ELP4: variants seen among roughly 807,000 people sequenced by gnomAD.
The protein encoded by ELP4 is elongator acetyltransferase complex subunit 4, also known as elongator complex protein 4.
A neutral mutation model predicts 48.9 loss-of-function variants in ELP4; 51 were observed. The observed-to-expected ratio is 1.04, with a 90% CI of 0.83 to 1.32. The LOEUF (loss-of-function observed/expected upper bound fraction) is 1.32. ELP4 is among the 40% of genes most tolerant of loss of function. ELP4 has a pLI of 0.00. For missense variants in ELP4, 519 were observed against 514.6 expected, an observed-to-expected ratio of 1.01 and a Z score of -0.08; for synonymous variants, 210 against 189.2, an observed-to-expected ratio of 1.11 and a Z score of -0.90.
At chr11:31,631,871 G>A (rs537885868) in intron 6 of ELP4, among the ~76,000 whole-genome samples, 57 of 152,164 alleles carry the variant, frequency 3.7e-4, no homozygotes, top group African/African-American at 1.3e-3. Context: ...GAAGGGGTTT[G>A]CAAGCATTCT....
chr11:31,529,286 G>T (rs1956353414), intron 2 of ELP4, among the ~76,000 whole-genome samples: 1 of 152,056 alleles, frequency 6.6e-6, no homozygotes, highest in Admixed American at 6.6e-5. Flanking sequence ...GTGAGAAAAA[G>T]AAGACAAGGT....
intron 9 of ELP4, among the ~76,000 whole-genome samples, chr11:31,766,264 C>T (rs1257608218): frequency 6.6e-6 from 1 of 151,968 alleles, no homozygotes; most frequent in Non-Finnish European, 1.5e-5. Context: ...GGAAATATAA[C>T]GGCAATAAGT....
chr11:31,710,777 C>T (rs559049200), intron 9 of ELP4, among the ~76,000 whole-genome samples: 15 of 152,090 alleles, frequency 9.9e-5, no homozygotes, highest in African/African-American at 3.1e-4. Flanking sequence ...ACACAGAGAG[C>T]GACATAATCA....
chr11:31,663,543 G>A (rs914370186), intron 9 of ELP4: 4 of 151,994 alleles, frequency 2.6e-5, no homozygotes, highest in Non-Finnish European at 4.4e-5. Context: ...TATATTGGGC[G>A]TAAGGATATA....
chr11:31,513,037 A>G (rs498250), intron 1 of ELP4, among the ~76,000 whole-genome samples: 97,471 of 151,646 alleles, frequency 0.64, 33,291 homozygotes, highest in African/African-American at 0.89. Context: ...CTTAATGGTA[A>G]CAGCCATTTT....
At chr11:31,721,046 T>C (rs1013185184) in intron 9 of ELP4, among the ~76,000 whole-genome samples, 11 of 152,240 alleles carry the variant, frequency 7.2e-5, no homozygotes, top group Non-Finnish European at 1.3e-4. Flanking sequence ...GGATTCTTAT[T>C]TGAAACTTGG....
intron 3 of ELP4, among the ~76,000 whole-genome samples, chr11:31,586,514 G>A (rs548062219): frequency 8.5e-5 from 13 of 152,176 alleles, no homozygotes; most frequent in East Asian, 7.7e-4. Flanking sequence ...CTCCAGCATC[G>A]GTCTTTGTCC....
At chr11:31,710,835 C>T (rs183286905) in intron 9 of ELP4, among the ~76,000 whole-genome samples, 1 of 152,164 alleles carries the variant, frequency 6.6e-6, no homozygotes. Context: ...CATTTAAATA[C>T]TATATCATGT....
chr11:31,547,517 G>T (rs376986080), intron 3 of ELP4, among the ~76,000 whole-genome samples: 1 of 151,996 alleles, frequency 6.6e-6, no homozygotes, highest in Non-Finnish European at 1.5e-5. Flanking sequence ...CAAAAAGAGT[G>T]CAGGACCAGA....
At position 31,789,000 on chromosome 11, in the gene ELP4, T is replaced by C. The variant is rs933896993; in HGVS notation, c.*5476T>C. ...AACAATGGTTAATTTTGATATGTAG[T>C]TGTGAACAACTTCAAAACACTTAAG... is the stretch of plus-strand genomic sequence containing the variant. On this transcript the variant is annotated 3_prime_UTR_variant, in exon 10 of 10. Transcript: ENST00000640961. The C allele has an allele frequency of 5.0e-6, 1 of 199,556 alleles. No individual in the cohort carries two copies. Among genetic ancestry groups the C allele is most frequent in the African/African-American group, 2.3e-5 (1 of 43,552 alleles). The allele number at this position is 199,556 out of a possible 1,614,324, so 12.4% of individuals were successfully genotyped here.
At chr11:31,742,676 A>G (rs1418247937) in intron 9 of ELP4, among the ~76,000 whole-genome samples, 1 of 152,196 alleles carries the variant, frequency 6.6e-6, no homozygotes, top group Non-Finnish European at 1.5e-5. Context: ...GGAGAAATAA[A>G]ATACTTTACA....
chr11:31,559,035 G>T (rs1041944303), intron 3 of ELP4, among the ~76,000 whole-genome samples: 1 of 152,064 alleles, frequency 6.6e-6, no homozygotes, highest in Admixed American at 6.6e-5. Flanking sequence ...AATACATTTT[G>T]TCAGCTCCCC....
chr11:31,615,611 CT>C (rs765348838), intron 5 of ELP4, among the ~76,000 whole-genome samples: 31 of 151,344 alleles, frequency 2.0e-4, no homozygotes, highest in Non-Finnish European at 3.7e-4. Context: ...TTTTTTTCCC[CT>C]ATCCCACTTT....
At chr11:31,674,737 G>A (rs1945882688) in intron 9 of ELP4, among the ~76,000 whole-genome samples, 1 of 152,186 alleles carries the variant, frequency 6.6e-6, no homozygotes, top group East Asian at 1.9e-4. Flanking sequence ...AGGGCTGTTT[G>A]AAAACATGCC....
At chr11:31,526,216 A>G (rs1473205467) in intron 2 of ELP4, among the ~76,000 whole-genome samples, 1 of 152,136 alleles carries the variant, frequency 6.6e-6, no homozygotes, top group Non-Finnish European at 1.5e-5. Flanking sequence ...GATCACATAT[A>G]TGGTAGCTGA....
intron 9 of ELP4, among the ~76,000 whole-genome samples, chr11:31,718,412 T>G (rs1946885507): frequency 6.6e-6 from 1 of 152,230 alleles, no homozygotes. Flanking sequence ...TGCTGTGTAT[T>G]AAACTACCGC....
At chr11:31,725,930 T>C (rs1352506686) in intron 9 of ELP4, among the ~76,000 whole-genome samples, 2 of 152,246 alleles carry the variant, frequency 1.3e-5, no homozygotes, top group Non-Finnish European at 2.9e-5. Context: ...CGTCAAGTTC[T>C]TGAGAAATTC....
chr11:31,757,465 A>G (rs1947856098), intron 9 of ELP4, among the ~76,000 whole-genome samples: 1 of 152,132 alleles, frequency 6.6e-6, no homozygotes, highest in Non-Finnish European at 1.5e-5. Flanking sequence ...GGAGCTGACA[A>G]ATAAGCACAC....
At chr11:31,626,638 AATT>A (rs1229029819) in intron 5 of ELP4, among the ~76,000 whole-genome samples, 6 of 151,844 alleles carry the variant, frequency 4.0e-5, no homozygotes, top group African/African-American at 1.4e-4. Context: ...CAAGCTTTAA[AATT>A]ATTATTATTT....
Sources: allele counts gnomAD v4.1 joint callset (sites outside exome capture counted in the v4.1 genomes callset), GRCh38; gene constraint gnomAD v4.1.1; transcripts MANE v1.5; gene names NCBI Gene and HGNC (gene_info 2026-07-23, HGNC 2026-07-21).